RUFY2: variants seen among roughly 807,000 people sequenced by gnomAD.
RUFY2 encodes RUN and FYVE domain-containing protein 2.
Under a neutral mutation model 94.4 loss-of-function variants are expected in RUFY2, and 49 were observed. That is an observed-to-expected ratio of 0.52 (90% CI 0.41 to 0.66). The LOEUF (loss-of-function observed/expected upper bound fraction) is 0.66. Ranked by LOEUF, RUFY2 falls within the 30% of genes least tolerant of loss-of-function variation. RUFY2 has a pLI of 0.00. For missense variants in RUFY2, 541 were observed against 692.8 expected, an observed-to-expected ratio of 0.78 and a Z score of 2.46; for synonymous variants, 255 against 235.7, an observed-to-expected ratio of 1.08 and a Z score of -0.75.
downstream of RUFY2, chr10:68,341,426 C>CTATAA: frequency 8.8e-7 from 1 of 1,137,806 alleles, no homozygotes; most frequent in Non-Finnish European, 1.3e-6. Context: ...CATTTGACCT[C>CTATAA]TATAATGGCT....
In RUFY2 at chr10:68,345,836, T is replaced by C; in HGVS notation, c.1753A>G (p.Lys585Glu). ...CAGGAATCACAAACCCGTACTGGTT[T>C]TGGTGAAGAAGGCAAAGGTAGTTCG... The part of the protein sequence containing the change: ...DNELPLPSSP[K>E]PVRVCDSCHA... The change falls in exon 18 of 18, where the codon AAA becomes GAA. Residue 585 changes from lysine (K) to glutamate (E), a missense_variant. Physicochemically the swap from Lys to Glu is moderately conservative, Grantham distance 56. Coordinates refer to ENST00000602465, the MANE Select transcript of RUFY2 (RefSeq NM_001330103.2). 1 of 1,614,168 alleles carries C rather than the reference T, an allele frequency of 6.2e-7. No homozygotes were observed. Among genetic ancestry groups the C allele is most frequent in the Middle Eastern group, 1.6e-4 (1 of 6,062 alleles).
At position 68,401,666 on chromosome 10, in the gene RUFY2, C is replaced by T. The variant is rs760345841; in HGVS notation, c.250G>A (p.Glu84Lys). Residue 84 changes from glutamate to lysine, a missense_variant, in exon 3 of 18, where the codon GAA becomes AAA. Glu to Lys is a moderately conservative substitution (Grantham distance 56). Transcript: ENST00000602465. Reference protein sequence around the residue: ...PLELVEKLYPEAEEIGASVRD... With the variant: ...PLELVEKLYPKAEEIGASVRD... ...ACACTAGCTCCTATTTCCTCTGCTT[C>T]GGGGTACAGCTTCTCCACCAGTTCC... is the stretch of plus-strand genomic sequence containing the variant. 4 of 1,614,004 alleles carry T rather than the reference C, an allele frequency of 2.5e-6. No homozygotes were observed. Among genetic ancestry groups the T allele is most frequent in the South Asian group, 1.1e-5 (1 of 91,078 alleles).
intron 3 of RUFY2, among the ~76,000 whole-genome samples, chr10:68,398,589 T>C (rs1589988534): frequency 6.6e-6 from 1 of 151,396 alleles, no homozygotes; most frequent in South Asian, 2.1e-4. Flanking sequence ...GAGGTGGAGG[T>C]TGCAACGAGC....
chr10:68,406,949 T>TC (rs1564865103), intron 1 of RUFY2: 1 of 1,551,008 alleles, frequency 6.4e-7, no homozygotes, highest in Admixed American at 2.0e-5. Flanking sequence ...CCTCGAGCCC[T>TC]CGGCCACTAT....
chr10:68,389,757 G>A (rs1336217842), intron 7 of RUFY2, among the ~76,000 whole-genome samples: 2 of 151,832 alleles, frequency 1.3e-5, no homozygotes, highest in African/African-American at 4.8e-5. Flanking sequence ...CTGCACCACT[G>A]CACCCAAGCC....
intron 7 of RUFY2, among the ~76,000 whole-genome samples, chr10:68,387,515 T>G (rs940446136): frequency 6.6e-6 from 1 of 152,216 alleles, no homozygotes; most frequent in Non-Finnish European, 1.5e-5. Context: ...GTATTTTAAT[T>G]TTACTAGTGA....
At chr10:68,396,612 C>T (rs2050413804) in intron 4 of RUFY2, among the ~76,000 whole-genome samples, 168 bp downstream of exon 4, 1 of 152,154 alleles carries the variant, frequency 6.6e-6, no homozygotes, top group Admixed American at 6.5e-5. Context: ...AGTTCCTGAT[C>T]CATGTTATGT....
chr10:68,376,081 C>T (rs185033393), intron 13 of RUFY2, among the ~76,000 whole-genome samples: 6 of 144,138 alleles, frequency 4.2e-5, no homozygotes, highest in Non-Finnish European at 7.5e-5. Context: ...CCAGCCTGGG[C>T]GACAGAGTGA....
chr10:68,373,030 A>T (rs747215957), intron 13 of RUFY2, among the ~76,000 whole-genome samples: 4 of 152,246 alleles, frequency 2.6e-5, no homozygotes, highest in Non-Finnish European at 5.9e-5. Context: ...AATTCTGTTT[A>T]TGGTTGCACA....
At chr10:68,396,956 T>A in intron 3 of RUFY2, 75 bp from the exon 4 acceptor site, 1 of 955,370 alleles carries the variant, frequency 1.0e-6, no homozygotes, top group African/African-American at 1.6e-5. Context: ...GAGGTAAACA[T>A]TAACAAGGAA....
At chr10:68,383,386 A>G (rs2049236566) in intron 10 of RUFY2, among the ~76,000 whole-genome samples, 1 of 152,108 alleles carries the variant, frequency 6.6e-6, no homozygotes, top group South Asian at 2.1e-4. Context: ...TGGGAGGCCA[A>G]GATAGGCAGA....
At chr10:68,405,342 G>T in intron 1 of RUFY2, 29 of 328,220 alleles carry the variant, frequency 8.8e-5, no homozygotes, top group South Asian at 1.2e-4. Flanking sequence ...AAGAAAGAAA[G>T]AAAGAAAAAA....
intron 16 of RUFY2, among the ~76,000 whole-genome samples, chr10:68,350,529 A>G (rs968066358): frequency 2.0e-5 from 3 of 152,342 alleles, no homozygotes; most frequent in East Asian, 1.9e-4. Context: ...AGAAAAGCAG[A>G]TAATATTCTG....
In RUFY2 at chr10:68,383,835, G is replaced by C. The variant is rs1564827742; in HGVS notation, c.902C>G (p.Ala301Gly). ...RQGLDEMYNEARRQLRDESQL... is the reference protein window; with the variant it reads ...RQGLDEMYNEGRRQLRDESQL... The stretch of plus-strand genomic sequence containing the variant: ...AGATTCATCTCGAAGCTGCCTTCTG[G>C]CTTCATTGTACATTTCATCTAGCCC... Residue 301 changes from alanine to glycine, a missense_variant, in exon 10 of 18, where the codon GCC (alanine) becomes GGC (glycine). Coordinates refer to ENST00000602465, the MANE Select transcript of RUFY2 (RefSeq NM_001330103.2). The C allele has an allele frequency of 7.4e-6, 12 of 1,613,552 alleles. No individual in the cohort carries two copies. The highest frequency in any genetic ancestry group is 1.0e-5 in the Non-Finnish European group (12 of 1,179,722).
chr10:68,372,378 C>T (rs61857322), intron 13 of RUFY2, among the ~76,000 whole-genome samples: 24,259 of 151,606 alleles, frequency 0.16, 2,530 homozygotes, highest in Non-Finnish European at 0.24. Flanking sequence ...CCAGCCTGGG[C>T]GACAGAGGAA....
At position 68,394,128 on chromosome 10, in the gene RUFY2, C is replaced by A; in HGVS notation, c.531G>T (p.Val177=). 6.7e-7 allele frequency: 1 copy of A among 1,497,864 alleles called. No homozygotes were observed. The highest frequency in any genetic ancestry group is 2.5e-5 in the Admixed American group (1 of 39,668). The allele number at this position is 1,497,864 out of a possible 1,614,324, so 92.8% of individuals were successfully genotyped here. ...KGEDLDSQVG[V]IDFSMYLKNE... is the part of the protein sequence containing the mutation. ...TCTTTAAATACATAGAAAAATCAAT[C>A]ACTCCAACCTGAAGTAAATAAAGTT... Residue 177 remains valine (V), a synonymous_variant, in exon 6 of 18, where the codon GTG becomes GTT. Coordinates refer to ENST00000602465, the MANE Select transcript of RUFY2 (RefSeq NM_001330103.2).
chr10:68,372,136 C>T (rs2048320720), intron 13 of RUFY2, among the ~76,000 whole-genome samples: 1 of 152,124 alleles, frequency 6.6e-6, no homozygotes, highest in Non-Finnish European at 1.5e-5. Context: ...AGGCCAGGTG[C>T]AGTGGCTCAC....
chr10:68,389,175 C>T (rs1399692876), intron 7 of RUFY2, among the ~76,000 whole-genome samples: 1 of 152,150 alleles, frequency 6.6e-6, no homozygotes, highest in African/African-American at 2.4e-5. Flanking sequence ...TGCTAGATTA[C>T]AGCATGCGCC....
rs1319076115 is a variant in RUFY2, at chr10:68,352,001, G to A, written c.1599+3352C>T. ...GAACCCAGGAGAGGGAGGTTGCAGTGAGCCGAGATCATGCCATTGTACTCC... is the reference window on the plus strand; with the variant it reads ...GAACCCAGGAGAGGGAGGTTGCAGTAAGCCGAGATCATGCCATTGTACTCC... On this transcript the variant is annotated intron_variant, in intron 16 of 17. Coordinates refer to ENST00000602465, the MANE Select transcript of RUFY2 (RefSeq NM_001330103.2). Among the ~76,000 whole-genome samples, 6 of 150,308 alleles carry A rather than the reference G, an allele frequency of 4.0e-5. No individual in the cohort carries two copies. The South Asian group carries it at 1.3e-3, about 31-fold the overall frequency.
Sources: gnomAD v4.1 joint callset for allele counts (sites outside exome capture counted in the v4.1 genomes callset) on GRCh38, gnomAD v4.1.1 for gene constraint, MANE v1.5 for transcripts, NCBI Gene and HGNC (gene_info 2026-07-23, HGNC 2026-07-21) for gene names.